The following C2CD3 variants were observed in gnomAD, a reference collection of about 807,000 sequenced individuals.
The protein encoded by C2CD3 is C2 domain-containing protein 3.
In C2CD3, 148 loss-of-function variants were observed where a neutral mutation model predicts 234.0. The observed-to-expected ratio is 0.63, with a 90% CI of 0.55 to 0.72. The LOEUF is 0.72. Ranked by LOEUF, C2CD3 falls within the 30% of genes least tolerant of loss-of-function variation. The probability of loss-of-function intolerance (pLI) is 0.00; values close to 1 mark genes in which losing one functional copy is unlikely to be tolerated. For missense variants in C2CD3, 2,577 were observed against 2,811.5 expected, an observed-to-expected ratio of 0.92 and a Z score of 1.89; for synonymous variants, 1,000 against 1,035.4, an observed-to-expected ratio of 0.97 and a Z score of 0.66.
At chr11:74,094,022 A>G in intron 17 of C2CD3, 23 bp from the exon 18 acceptor site, 1 of 1,590,006 alleles carries the variant, frequency 6.3e-7, no homozygotes, top group Non-Finnish European at 8.6e-7. Flanking sequence ...AAAGCATTTC[A>G]GAATAATCCA....
At chr11:74,129,633 G>T in intron 7 of C2CD3, 1 of 167,018 alleles carries the variant, frequency 6.0e-6, no homozygotes, top group South Asian at 1.1e-4. Flanking sequence ...CCAGACGATG[G>T]GCGGCCAGGC....
chr11:74,118,655 T>C (rs940550937), intron 8 of C2CD3, among the ~76,000 whole-genome samples: 1 of 152,230 alleles, frequency 6.6e-6, no homozygotes, highest in Non-Finnish European at 1.5e-5. Flanking sequence ...ATTTATTGAC[T>C]ATAGACCATA....
At chr11:74,152,759 G>C (rs1855746082) in intron 3 of C2CD3, among the ~76,000 whole-genome samples, 1 of 152,008 alleles carries the variant, frequency 6.6e-6, no homozygotes, top group Non-Finnish European at 1.5e-5. Context: ...CATATTAACA[G>C]ACCAAAAGAA....
chr11:74,133,754 T>G, intron 5 of C2CD3, 197 bp from the exon 6 acceptor site: 2 of 567,300 alleles, frequency 3.5e-6, no homozygotes, highest in Non-Finnish European at 3.1e-6. Flanking sequence ...TACTGTGCAC[T>G]GTTTTAGATG....
At chr11:74,166,090 C>T (rs984925337) in intron 2 of C2CD3, among the ~76,000 whole-genome samples, 2 of 152,026 alleles carry the variant, frequency 1.3e-5, no homozygotes, top group Admixed American at 1.3e-4. Flanking sequence ...GCGAGCAGAT[C>T]GTGAGATCAG....
At chr11:74,154,887 G>C (rs1309581772) in intron 3 of C2CD3, among the ~76,000 whole-genome samples, 1 of 152,192 alleles carries the variant, frequency 6.6e-6, no homozygotes, top group African/African-American at 2.4e-5. Flanking sequence ...ATCTCAATTA[G>C]ATATCAGTAC....
In C2CD3 at chr11:74,123,055, C is replaced by G; in HGVS notation, c.1298G>C (p.Cys433Ser). Residue 433 changes from cysteine (C) to serine (S), a missense_variant, in exon 8 of 33, where the codon TGC becomes TCC. By Grantham distance (112) the Cys-to-Ser change is moderately radical. Coordinates refer to ENST00000334126, the MANE Select transcript of C2CD3 (RefSeq NM_001286577.2). ...CTGAGGGTCATTCAGCTCACTGATGCAATACACATCACTCCCAGGAGATGG... is the reference window on the plus strand; with the variant it reads ...CTGAGGGTCATTCAGCTCACTGATGGAATACACATCACTCCCAGGAGATGG... ...DSPSPGSDVY[C>S]ISELNDPQYD... The G allele has an allele frequency of 6.2e-7, 1 of 1,610,900 alleles. No homozygotes were observed. The highest frequency in any genetic ancestry group is 8.5e-7 in the Non-Finnish European group (1 of 1,177,082).
rs866867681 is a variant in C2CD3 at position 74,129,108 on chromosome 11, C to T, written c.1217+3736G>A. 5.6e-4 allele frequency: 93 copies of T among 166,106 alleles called. 1 individual carries two copies. Among genetic ancestry groups the T allele is most frequent in the Middle Eastern group, 2.9e-3 (1 of 346 alleles). 10.3% of individuals were successfully genotyped at this position (166,106 alleles called of 1,614,324 possible). A position where few individuals can be genotyped will look rare whatever the true frequency, so the allele number is the denominator to read the frequency against. On this transcript the variant is annotated intron_variant, in intron 7 of 32. Coordinates refer to ENST00000334126, the MANE Select transcript of C2CD3 (RefSeq NM_001286577.2). ...GGCCGGGCAGAGGGGCTCCTCACTTCCCAGTAGGGGCGGCCGGGCAGAGGC... is the reference window on the plus strand; with the variant it reads ...GGCCGGGCAGAGGGGCTCCTCACTTTCCAGTAGGGGCGGCCGGGCAGAGGC...
intron 24 of C2CD3, among the ~76,000 whole-genome samples, chr11:74,071,637 C>A (rs1007494123): frequency 6.6e-6 from 1 of 152,148 alleles, no homozygotes; most frequent in Non-Finnish European, 1.5e-5. Context: ...CAGGGAATAA[C>A]CCTGATCTGA....
At chr11:74,115,644 C>T in intron 9 of C2CD3, among the ~76,000 whole-genome samples, 1 of 151,894 alleles carries the variant, frequency 6.6e-6, no homozygotes, top group East Asian at 1.9e-4. Context: ...CATATGGAAC[C>T]AAAAAAGAGC....
chr11:74,064,144 G>A (rs184542261), intron 24 of C2CD3, among the ~76,000 whole-genome samples: 5 of 151,812 alleles, frequency 3.3e-5, no homozygotes, highest in African/African-American at 9.7e-5. Context: ...GAGAACATGC[G>A]GTGTTTGGTT....
intron 11 of C2CD3, among the ~76,000 whole-genome samples, chr11:74,110,238 T>C (rs1956696029): frequency 6.6e-6 from 1 of 150,532 alleles, no homozygotes; most frequent in Non-Finnish European, 1.5e-5. Context: ...GTCCATTCAC[T>C]GCTAAGGCTG....
At chr11:74,169,013 T>C (rs1335052946) in intron 1 of C2CD3, among the ~76,000 whole-genome samples, 1 of 152,256 alleles carries the variant, frequency 6.6e-6, no homozygotes, top group African/African-American at 2.4e-5. Flanking sequence ...GTTTTAATTA[T>C]TGCAACATCT....
intron 4 of C2CD3, among the ~76,000 whole-genome samples, chr11:74,139,179 G>A (rs972886540): frequency 9.2e-5 from 14 of 152,150 alleles, no homozygotes; most frequent in African/African-American, 3.4e-4. Context: ...GGGAGTCATA[G>A]CTTAAATGAG....
chr11:74,164,313 C>G (rs778493193), intron 2 of C2CD3: 21 of 861,160 alleles, frequency 2.4e-5, no homozygotes, highest in Non-Finnish European at 2.9e-5. Context: ...TCTAGTAGTT[C>G]CATGCTCCAA....
rs576750407 is a variant in C2CD3, at chr11:74,114,473, G to T, written c.1641C>A (p.Thr547=). The part of the protein sequence containing the change: ...RTHSVRIIIE[T]MGVPPDSPQM... ...GAGGACTATCTGGAGGAACTCCCATGGTTTCGATGATGATTCTGACTGAAT... is the reference window on the plus strand; with the variant it reads ...GAGGACTATCTGGAGGAACTCCCATTGTTTCGATGATGATTCTGACTGAAT... Residue 547 remains threonine (T), a synonymous_variant, in exon 10 of 33, where the codon ACC becomes ACA. Coordinates refer to ENST00000334126, the MANE Select transcript of C2CD3 (RefSeq NM_001286577.2). The T allele has an allele frequency of 6.2e-7, 1 of 1,613,940 alleles. No homozygotes were observed. Among genetic ancestry groups the T allele is most frequent in the South Asian group, 1.1e-5 (1 of 91,086 alleles).
intron 24 of C2CD3, among the ~76,000 whole-genome samples, chr11:74,066,022 C>A (rs766360380): frequency 2.1e-5 from 3 of 143,838 alleles, no homozygotes; most frequent in Non-Finnish European, 4.6e-5. Context: ...ATGTAACAAA[C>A]CTGCACGTTG....
At chr11:74,101,576 T>C (rs368380196) in intron 14 of C2CD3, among the ~76,000 whole-genome samples, 9 of 152,160 alleles carry the variant, frequency 5.9e-5, no homozygotes, top group African/African-American at 2.2e-4. Context: ...AACAGCAACC[T>C]AACCTCCAAA....
chr11:74,133,043 G>A (rs750613345), intron 6 of C2CD3, 71 bp from the exon 7 acceptor site: 95 of 1,436,778 alleles, frequency 6.6e-5, no homozygotes, highest in Non-Finnish European at 7.7e-5. Flanking sequence ...TAATCACTTC[G>A]TACATGCAGC....
Sources: gnomAD v4.1 joint callset for allele counts (sites outside exome capture counted in the v4.1 genomes callset) on GRCh38, gnomAD v4.1.1 for gene constraint, MANE v1.5 for transcripts, NCBI Gene and HGNC (gene_info 2026-07-23, HGNC 2026-07-21) for gene names.